Variants in PDE1C observed in about 807,000 individuals in gnomAD.
PDE1C encodes phosphodiesterase 1C.
A neutral mutation model predicts 93.1 loss-of-function variants in PDE1C; 62 were observed. That is an observed-to-expected ratio of 0.67 (90% CI 0.54 to 0.82). PDE1C has a LOEUF of 0.82. Among genes scored for constraint, PDE1C ranks in the 40% least tolerant of loss-of-function variants. The probability of loss-of-function intolerance (pLI) is 0.00; values close to 1 mark genes in which losing one functional copy is unlikely to be tolerated. For missense variants in PDE1C, 742 were observed against 884.6 expected, an observed-to-expected ratio of 0.84 and a Z score of 2.04; for synonymous variants, 325 against 310.1, an observed-to-expected ratio of 1.05 and a Z score of -0.50.
chr7:32,272,434 G>A (rs550540260), intron 1 of PDE1C, among the ~76,000 whole-genome samples: 62 of 152,278 alleles, frequency 4.1e-4, no homozygotes, highest in Admixed American at 1.4e-3. Context: ...TGAAGATGTC[G>A]TTCTCCCACT....
intron 2 of PDE1C, among the ~76,000 whole-genome samples, chr7:32,027,004 G>A (rs1018188742): frequency 1.3e-5 from 2 of 152,094 alleles, no homozygotes; most frequent in African/African-American, 4.8e-5. Flanking sequence ...AATTGCCAGG[G>A]GTTTGGAGGA....
intron 3 of PDE1C, among the ~76,000 whole-genome samples, chr7:32,132,381 A>C (rs1418837995): frequency 6.6e-6 from 1 of 152,148 alleles, no homozygotes; most frequent in African/African-American, 2.4e-5. Flanking sequence ...CATATCGGTT[A>C]AGCAGGGTGC....
chr7:32,169,972 AAG>A (rs758261628), intron 2 of PDE1C: 1 of 1,605,922 alleles, frequency 6.2e-7, no homozygotes, highest in Non-Finnish European at 8.5e-7. Context: ...GCATGGGGAA[AAG>A]AGAGATGCAG....
chr7:32,286,959 T>G (rs1256608083), intron 1 of PDE1C, among the ~76,000 whole-genome samples: 1 of 152,170 alleles, frequency 6.6e-6, no homozygotes, highest in Non-Finnish European at 1.5e-5. Context: ...AAGGACCACC[T>G]ACTGCTCTGG....
intron 7 of PDE1C, among the ~76,000 whole-genome samples, chr7:31,861,081 T>G (rs1794639364): frequency 6.6e-6 from 1 of 152,158 alleles, no homozygotes; most frequent in Non-Finnish European, 1.5e-5. Flanking sequence ...CATGTCAAGG[T>G]CAACAATGAC....
intron 1 of PDE1C, among the ~76,000 whole-genome samples, chr7:32,408,645 C>T (rs6949106): frequency 0.13 from 19,488 of 151,942 alleles, 2,272 homozygotes; most frequent in African/African-American, 0.3. Flanking sequence ...AAAAATTAGC[C>T]AGGCATGGTA....
At chr7:31,666,180 C>A in the PDE1C span, among the ~76,000 whole-genome samples, 4 of 152,092 alleles carry the variant, frequency 2.6e-5, no homozygotes, top group African/African-American at 4.8e-5. Context: ...GCTGTAGAAA[C>A]CTGATAAAAT....
chr7:31,965,968 T>A (rs1164130546), intron 2 of PDE1C, among the ~76,000 whole-genome samples: 1 of 152,092 alleles, frequency 6.6e-6, no homozygotes, highest in Non-Finnish European at 1.5e-5. Flanking sequence ...GCACTAAACA[T>A]GGAAAGGAAC....
intron 1 of PDE1C, among the ~76,000 whole-genome samples, chr7:32,328,141 G>C (rs962979103): frequency 6.6e-6 from 1 of 152,110 alleles, no homozygotes; most frequent in Non-Finnish European, 1.5e-5. Context: ...TTCCAAAATG[G>C]TTAAATCATT....
At position 32,051,592 on chromosome 7, in the gene PDE1C, G is replaced by A. The variant is rs1197356024; in HGVS notation, c.102-12C>T. 1.9e-6 allele frequency: 3 copies of A among 1,612,610 alleles called. No homozygotes were observed. The highest frequency in any genetic ancestry group is 3.3e-4 in the Middle Eastern group (2 of 6,076). On this transcript the variant is annotated splice_polypyrimidine_tract_variant and intron_variant, in intron 1 of 17. Coordinates refer to ENST00000396191, the MANE Select transcript of PDE1C (RefSeq NM_001191057.4). Reference sequence around the variant, plus strand: ...TCTTATATTTCCTCCTGTAAGAAAAGGCATAAACATATATCAGAAAAGGGT... The same window carrying A: ...TCTTATATTTCCTCCTGTAAGAAAAAGCATAAACATATATCAGAAAAGGGT...
intron 2 of PDE1C, chr7:32,169,995 C>A: frequency 6.4e-7 from 1 of 1,566,830 alleles, no homozygotes; most frequent in Non-Finnish European, 8.7e-7. Flanking sequence ...GTGAATCATC[C>A]ACCAGTTGAC....
chr7:32,192,856 T>C (rs1804330273), intron 2 of PDE1C, among the ~76,000 whole-genome samples: 1 of 152,164 alleles, frequency 6.6e-6, no homozygotes, highest in South Asian at 2.1e-4. Flanking sequence ...TTGATTTCTC[T>C]CATGGCACTG....
At chr7:32,380,695 C>T (rs143915610) in intron 1 of PDE1C, among the ~76,000 whole-genome samples, 8 of 152,190 alleles carry the variant, frequency 5.3e-5, no homozygotes, top group Admixed American at 2.6e-4. Flanking sequence ...CACACTTGAT[C>T]TCCACCCCCT....
At chr7:32,178,129 G>A (rs765053158) in intron 2 of PDE1C, among the ~76,000 whole-genome samples, 5 of 152,202 alleles carry the variant, frequency 3.3e-5, no homozygotes, top group Non-Finnish European at 7.3e-5. Flanking sequence ...AGGACCAAGA[G>A]GAGGTGAAGC....
At chr7:32,243,323 G>A (rs1448986845) in intron 1 of PDE1C, among the ~76,000 whole-genome samples, 1 of 152,222 alleles carries the variant, frequency 6.6e-6, no homozygotes, top group South Asian at 2.1e-4. Context: ...ACAAGGCAGG[G>A]AGAATGGGGA....
At chr7:32,059,744 G>C (rs542635943) in intron 1 of PDE1C, among the ~76,000 whole-genome samples, 1 of 152,088 alleles carries the variant, frequency 6.6e-6, no homozygotes, top group South Asian at 2.1e-4. Context: ...AAAGCCTTTT[G>C]CTCAAAGCTG....
At chr7:31,878,803 C>T (rs1325039184) in intron 4 of PDE1C, among the ~76,000 whole-genome samples, 193 bp downstream of exon 4, 3 of 152,148 alleles carry the variant, frequency 2.0e-5, no homozygotes, top group Admixed American at 6.5e-5. Flanking sequence ...AAAGCAAAAG[C>T]TTTTCCTAAT....
intron 1 of PDE1C, among the ~76,000 whole-genome samples, chr7:32,397,344 T>C (rs1784856538): frequency 6.6e-6 from 1 of 152,144 alleles, no homozygotes; most frequent in African/African-American, 2.4e-5. Context: ...TCATCCATAA[T>C]TTTTTGATGC....
intron 6 of PDE1C, among the ~76,000 whole-genome samples, chr7:31,867,088 C>T (rs1795393342): frequency 6.6e-6 from 1 of 152,192 alleles, no homozygotes; most frequent in Non-Finnish European, 1.5e-5. Flanking sequence ...TCTGGAGCCC[C>T]ATTGACATTC....
Sources: allele counts gnomAD v4.1 joint callset (sites outside exome capture counted in the v4.1 genomes callset), GRCh38; gene constraint gnomAD v4.1.1; transcripts MANE v1.5; gene names NCBI Gene and HGNC (gene_info 2026-07-23, HGNC 2026-07-21).